The following XIRP2 variants were observed in gnomAD, a reference collection of about 807,000 sequenced individuals.
The protein encoded by XIRP2 is xin actin-binding repeat-containing protein 2.
XIRP2 carries 236 observed loss-of-function variants against 277.0 expected under a neutral mutation model. That is an observed-to-expected ratio of 0.85 (90% CI 0.77 to 0.95). XIRP2 has a LOEUF of 0.95. Ranked by LOEUF, XIRP2 falls within the 40% of genes least tolerant of loss-of-function variation. The probability of loss-of-function intolerance (pLI) is 0.00; values close to 1 mark genes in which losing one functional copy is unlikely to be tolerated. For missense variants in XIRP2, 4,640 were observed against 4,157.5 expected (o/e 1.12, Z -3.19); for synonymous variants, 1,490 against 1,416.5 (o/e 1.05, Z -1.17).
chr2:166,916,509 C>T (rs1311836215), intron 2 of XIRP2, among the ~76,000 whole-genome samples: 1 of 151,936 alleles, frequency 6.6e-6, no homozygotes, highest in Non-Finnish European at 1.5e-5. Context: ...CTACCAAACT[C>T]TCAAAAATAT....
intron 2 of XIRP2, among the ~76,000 whole-genome samples, chr2:167,022,598 C>T (rs182191372): frequency 0.015 from 2,322 of 152,078 alleles, 57 homozygotes; most frequent in African/African-American, 0.053. Context: ...ATCCCTCCCC[C>T]CTACCCCCAC....
chr2:167,162,959 T>G (rs1218041640), intron 3 of XIRP2, among the ~76,000 whole-genome samples: 1 of 152,206 alleles, frequency 6.6e-6, no homozygotes, highest in Non-Finnish European at 1.5e-5. Context: ...ACTCAGCATA[T>G]TTTTGCAATT....
chr2:166,919,598 C>G (rs901236398), intron 2 of XIRP2, among the ~76,000 whole-genome samples: 1 of 152,114 alleles, frequency 6.6e-6, no homozygotes. Context: ...CATTTCTGAT[C>G]ACAATGATTT....
At chr2:167,151,282 TA>T (rs1692009418) in intron 3 of XIRP2, among the ~76,000 whole-genome samples, 1 of 152,136 alleles carries the variant, frequency 6.6e-6, no homozygotes, top group Admixed American at 6.6e-5. Flanking sequence ...AGAAGGCTTT[TA>T]TTAAGTATTA....
At chr2:167,043,834 T>C (rs1688723640) in intron 2 of XIRP2, among the ~76,000 whole-genome samples, 1 of 151,984 alleles carries the variant, frequency 6.6e-6, no homozygotes, top group Non-Finnish European at 1.5e-5. Context: ...ATTATGTTTA[T>C]ACTGTAAATA....
chr2:167,175,465 G>A (rs1044725379), intron 3 of XIRP2, among the ~76,000 whole-genome samples: 7 of 152,138 alleles, frequency 4.6e-5, no homozygotes, highest in Admixed American at 2.0e-4. Context: ...CACCAGTGGA[G>A]GCTGCAGAAC....
chr2:166,950,455 A>C (rs939701971), intron 2 of XIRP2, among the ~76,000 whole-genome samples: 1 of 151,354 alleles, frequency 6.6e-6, no homozygotes, highest in Non-Finnish European at 1.5e-5. Context: ...GCTCACAGAT[A>C]AAAAAAAATT....
intron 2 of XIRP2, among the ~76,000 whole-genome samples, chr2:166,928,135 T>A (rs1216384746): frequency 6.6e-6 from 1 of 152,130 alleles, no homozygotes; most frequent in Non-Finnish European, 1.5e-5. Context: ...AGAAAAGCCC[T>A]GAGGTTTGTT....
intron 5 of XIRP2, among the ~76,000 whole-genome samples, chr2:167,224,651 C>A (rs1694540146): frequency 6.6e-6 from 1 of 152,024 alleles, no homozygotes; most frequent in Admixed American, 6.6e-5. Context: ...AATAAAATGT[C>A]CATATAAATC....
In XIRP2 at chr2:166,917,904, T is replaced by C. The variant is rs117007324; in HGVS notation, c.408+14014T>C. 1.5e-3 allele frequency among the ~76,000 whole-genome samples: 227 copies of C among 152,320 alleles called. 7 individuals are homozygous for C. The East Asian group carries it at 0.04, about 27-fold the overall frequency. ...CAAATACCGTAAGTGACTATTTTTT[T>C]CCTTTCCCTGTCCTCCTATGACTGA... is the stretch of plus-strand genomic sequence containing the variant. On this transcript the variant is annotated intron_variant, in intron 2 of 10. Coordinates refer to ENST00000409195, the MANE Select transcript of XIRP2 (RefSeq NM_152381.6).
At chr2:167,175,565 G>A (rs952826228) in intron 3 of XIRP2, among the ~76,000 whole-genome samples, 8 of 152,146 alleles carry the variant, frequency 5.3e-5, no homozygotes, top group Non-Finnish European at 1.2e-4. Flanking sequence ...TGTATGAGGT[G>A]TCTGTTGACC....
At chr2:166,996,800 C>T (rs980105616) in intron 2 of XIRP2, among the ~76,000 whole-genome samples, 1 of 152,096 alleles carries the variant, frequency 6.6e-6, no homozygotes, top group South Asian at 2.1e-4. Flanking sequence ...GCACAACACA[C>T]ACACATAAAC....
chr2:166,898,444 A>G (rs1375391996), intron 1 of XIRP2, among the ~76,000 whole-genome samples: 2 of 152,130 alleles, frequency 1.3e-5, no homozygotes, highest in Non-Finnish European at 2.9e-5. Context: ...CAATTGGAGT[A>G]AAACTTGGAG....
At chr2:166,901,769 G>A (rs1262080160) in intron 1 of XIRP2, among the ~76,000 whole-genome samples, 1 of 152,042 alleles carries the variant, frequency 6.6e-6, no homozygotes, top group Non-Finnish European at 1.5e-5. Context: ...TTGATCTACT[G>A]TTTTATTGAG....
chr2:166,963,525 G>A (rs920377325), intron 2 of XIRP2, among the ~76,000 whole-genome samples: 15 of 151,976 alleles, frequency 9.9e-5, no homozygotes, highest in South Asian at 6.2e-4. Flanking sequence ...AGACTCTTTC[G>A]TAAGGAATGG....
chr2:166,922,031 T>A (rs1429480034), intron 2 of XIRP2, among the ~76,000 whole-genome samples: 1 of 152,156 alleles, frequency 6.6e-6, no homozygotes, highest in Non-Finnish European at 1.5e-5. Flanking sequence ...TTGGCCTTTT[T>A]TGAAAGTCTG....
chr2:166,888,640 A>C (rs1015988473), intron 1 of XIRP2, 83 bp downstream of exon 1: 11 of 152,194 alleles, frequency 7.2e-5, no homozygotes, highest in African/African-American at 2.7e-4. Context: ...CTGACAGGAC[A>C]CTATTTTGCC....
intron 2 of XIRP2, among the ~76,000 whole-genome samples, chr2:166,914,684 C>T (rs1684815026): frequency 6.6e-6 from 1 of 152,086 alleles, no homozygotes; most frequent in Non-Finnish European, 1.5e-5. Context: ...TGGCAATTTG[C>T]TATGGAAGCA....
chr2:167,008,385 G>C (rs1949107), intron 2 of XIRP2, among the ~76,000 whole-genome samples: 43 of 151,494 alleles, frequency 2.8e-4, no homozygotes, highest in Non-Finnish European at 1.5e-4. Flanking sequence ...AAAGTGTGTT[G>C]ACTAGAACTG....
Sources: gnomAD v4.1 joint callset for allele counts (sites outside exome capture counted in the v4.1 genomes callset) on GRCh38, gnomAD v4.1.1 for gene constraint, MANE v1.5 for transcripts, NCBI Gene and HGNC (gene_info 2026-07-23, HGNC 2026-07-21) for gene names.